Variants in RAB3GAP1 observed in about 807,000 individuals in gnomAD.
RAB3GAP1 encodes RAB3 GTPase activating protein catalytic subunit 1.
Under a neutral mutation model 130.7 loss-of-function variants are expected in RAB3GAP1, and 86 were observed. The ratio of observed to expected loss-of-function variants is 0.66; its 90% CI spans 0.55 to 0.79. The LOEUF is 0.79. Ranked by LOEUF, RAB3GAP1 falls within the 30% of genes least tolerant of loss-of-function variation. The pLI is 0.00. For synonymous variants in RAB3GAP1, 367 were observed against 401.7 expected, an observed-to-expected ratio of 0.91 and a Z score of 1.03; for missense variants, 1,029 against 1,169.4, an observed-to-expected ratio of 0.88 and a Z score of 1.75.
rs1365622763 is a variant in RAB3GAP1, at chr2:135,124,198, G to A, written c.782G>A (p.Gly261Asp). ...IDALVGGEVG[G>D]LEFGKLPFGA... is the part of the protein sequence containing the mutation. ...GCCCTTGTAGGAGGAGAAGTTGGAG[G>A]CTTGGAGTTTGGCAAGTTACCATTT... is the stretch of plus-strand genomic sequence containing the variant. The change falls in exon 9 of 24, where the codon GGC becomes GAC. Residue 261 changes from glycine (G) to aspartate (D), a missense_variant. Physicochemically the swap from Gly to Asp is moderately conservative, Grantham distance 94 (BLOSUM62 -1). This residue lies in a region of RAB3GAP1 where 510 missense variants were observed against 532.1 expected (regional missense o/e 0.96). Transcript: ENST00000264158. The A allele has an allele frequency of 3.7e-6, 6 of 1,614,046 alleles. No homozygotes were observed. Among genetic ancestry groups the A allele is most frequent in the Non-Finnish European group, 4.2e-6 (5 of 1,180,008 alleles).
At chr2:135,055,655 G>A (rs1223661949) in intron 2 of RAB3GAP1, among the ~76,000 whole-genome samples, 1 of 148,426 alleles carries the variant, frequency 6.7e-6, no homozygotes, top group Non-Finnish European at 1.5e-5. Flanking sequence ...TCCAGCCTGG[G>A]TGACAGAGTT....
chr2:135,057,229 A>G (rs1689039027), intron 2 of RAB3GAP1, among the ~76,000 whole-genome samples: 1 of 152,200 alleles, frequency 6.6e-6, no homozygotes, highest in South Asian at 2.1e-4. Flanking sequence ...ATTTCTTGTC[A>G]GCTGTCCATT....
chr2:135,109,805 A>G (rs1162320414), intron 5 of RAB3GAP1, among the ~76,000 whole-genome samples: 1 of 152,008 alleles, frequency 6.6e-6, no homozygotes, highest in South Asian at 2.1e-4. Flanking sequence ...GATGGTCTCG[A>G]TCTCCTGACC....
chr2:135,135,235 G>C (rs1454935166), intron 15 of RAB3GAP1, 30 bp from the exon 16 acceptor site: 1 of 1,573,286 alleles, frequency 6.4e-7, no homozygotes, highest in African/African-American at 1.4e-5. Flanking sequence ...CTAAAACTAA[G>C]CTTTCTTTTC....
intron 5 of RAB3GAP1, among the ~76,000 whole-genome samples, chr2:135,106,279 G>A (rs1236752593): frequency 6.6e-6 from 1 of 152,342 alleles, no homozygotes; most frequent in Admixed American, 6.5e-5. Context: ...CATTGAGAAC[G>A]GGCCATGATG....
At chr2:135,154,670 A>C (rs1692261437) in intron 19 of RAB3GAP1, among the ~76,000 whole-genome samples, 1 of 152,170 alleles carries the variant, frequency 6.6e-6, no homozygotes, top group Non-Finnish European at 1.5e-5. Context: ...CTAACACTAC[A>C]TGCCAAAACA....
chr2:135,113,996 C>T (rs568945718), intron 6 of RAB3GAP1, among the ~76,000 whole-genome samples: 7 of 152,216 alleles, frequency 4.6e-5, no homozygotes, highest in East Asian at 3.9e-4. Flanking sequence ...ATGATCCGCC[C>T]GCCGCGGCCT....
intron 17 of RAB3GAP1, among the ~76,000 whole-genome samples, chr2:135,138,169 AAG>A (rs961415065): frequency 7.2e-5 from 11 of 151,756 alleles, no homozygotes; most frequent in African/African-American, 2.4e-4. Context: ...GTAAAAATGA[AAG>A]AGGCTCAACG....
At chr2:135,063,517 GT>G (rs1689236725) in intron 3 of RAB3GAP1, among the ~76,000 whole-genome samples, 2 of 152,002 alleles carry the variant, frequency 1.3e-5, no homozygotes, top group African/African-American at 2.4e-5. Flanking sequence ...TCTACTTTCT[GT>G]CCATGAATTT....
chr2:135,168,118 A>G (rs1692714863), intron 23 of RAB3GAP1, among the ~76,000 whole-genome samples: 1 of 152,226 alleles, frequency 6.6e-6, no homozygotes, highest in Admixed American at 6.5e-5. Flanking sequence ...AAAAGAATCG[A>G]TTAAAAAATT....
intron 5 of RAB3GAP1, among the ~76,000 whole-genome samples, chr2:135,094,716 C>A (rs963445807): frequency 2.0e-5 from 3 of 152,296 alleles, no homozygotes; most frequent in Middle Eastern, 3.4e-3. Flanking sequence ...ATCCATAAGA[C>A]ACTAACATCA....
At chr2:135,079,019 C>T (rs1333520475) in intron 3 of RAB3GAP1, among the ~76,000 whole-genome samples, 2 of 152,122 alleles carry the variant, frequency 1.3e-5, no homozygotes, top group East Asian at 3.9e-4. Context: ...AGGCACACGC[C>T]ACCATGCCCG....
chr2:135,117,549 T>TCTGCTG (rs1691029086), intron 7 of RAB3GAP1, among the ~76,000 whole-genome samples: 4 of 83,600 alleles, frequency 4.8e-5, no homozygotes, highest in African/African-American at 1.5e-4. Context: ...TTCTGCTTCT[T>TCTGCTG]CTTCTTCTGC....
At chr2:135,060,142 A>G (rs1689125264) in intron 3 of RAB3GAP1, among the ~76,000 whole-genome samples, 2 of 151,452 alleles carry the variant, frequency 1.3e-5, no homozygotes. Flanking sequence ...ATACTTTGCC[A>G]TTTCTTGTTT....
chr2:135,168,192 T>C (rs1692717130), intron 23 of RAB3GAP1, among the ~76,000 whole-genome samples: 1 of 152,228 alleles, frequency 6.6e-6, no homozygotes, highest in Non-Finnish European at 1.5e-5. Flanking sequence ...CTTACTGGAC[T>C]GAGGCTGTCA....
chr2:135,087,297 CTTAATTA>C (rs1690016018), intron 3 of RAB3GAP1, among the ~76,000 whole-genome samples: 1 of 152,164 alleles, frequency 6.6e-6, no homozygotes, highest in Non-Finnish European at 1.5e-5. Flanking sequence ...ACTATACTGT[CTTAATTA>C]TTGTAGCAAA....
intron 7 of RAB3GAP1, among the ~76,000 whole-genome samples, chr2:135,117,483 G>GCTTCTTCTTCTTCTTCTTCTTCTTCTT (rs1367442367): frequency 7.2e-5 from 2 of 27,848 alleles, no homozygotes; most frequent in African/African-American, 1.2e-4. Flanking sequence ...TGCTTCTTCT[G>GCTTCTTCTTCTTCTTCTTCTTCTTCTT]CTTCTTCTTC....
At chr2:135,158,963 G>GA (rs1210846680) in intron 19 of RAB3GAP1, among the ~76,000 whole-genome samples, 2 of 152,086 alleles carry the variant, frequency 1.3e-5, no homozygotes, top group Non-Finnish European at 2.9e-5. Flanking sequence ...TTTGAAAAAA[G>GA]AAAAATTTGC....
At chr2:135,064,222 A>G (rs1027527714) in intron 3 of RAB3GAP1, among the ~76,000 whole-genome samples, 3 of 151,884 alleles carry the variant, frequency 2.0e-5, no homozygotes, top group African/African-American at 7.3e-5. Context: ...TATTGGATAA[A>G]TTTTTGTTTT....
Sources: allele counts gnomAD v4.1 joint callset (sites outside exome capture counted in the v4.1 genomes callset), GRCh38; gene constraint gnomAD v4.1.1; regional missense constraint gnomAD v4.1.1; transcripts MANE v1.5; gene names NCBI Gene and HGNC (gene_info 2026-07-23, HGNC 2026-07-21).